MLPH: variants seen among roughly 807,000 people sequenced by gnomAD.
MLPH encodes melanophilin.
In MLPH, 51 loss-of-function variants were observed where a neutral mutation model predicts 72.1. That is an observed-to-expected ratio of 0.71 (90% CI 0.56 to 0.89). MLPH has a LOEUF of 0.89. Among genes scored for constraint, MLPH ranks in the 40% least tolerant of loss-of-function variants. The pLI is 0.00. For missense variants in MLPH, 743 were observed against 759.9 expected (o/e 0.98, Z 0.26); for synonymous variants, 301 against 310.1 (o/e 0.97, Z 0.31).
chr2:237,502,463 C>A (rs2079672555), intron 2 of MLPH, among the ~76,000 whole-genome samples: 1 of 152,160 alleles, frequency 6.6e-6, no homozygotes, highest in Non-Finnish European at 1.5e-5. Flanking sequence ...TTGTGTCTTG[C>A]TTTGTATCAT....
chr2:237,493,849 G>A (rs946734673), intron 2 of MLPH, among the ~76,000 whole-genome samples: 9 of 152,148 alleles, frequency 5.9e-5, no homozygotes, highest in Non-Finnish European at 2.9e-5. Context: ...GTGATACATG[G>A]GGAAAGTCTC....
At chr2:237,525,924 T>A in intron 7 of MLPH, 119 bp downstream of exon 7, 1 of 996,654 alleles carries the variant, frequency 1.0e-6, no homozygotes, top group Non-Finnish European at 1.5e-6. Flanking sequence ...GGCCCCTTCC[T>A]TTGGCGTGAT....
chr2:237,531,228 A>G (rs1262436063), intron 8 of MLPH, among the ~76,000 whole-genome samples: 1 of 152,030 alleles, frequency 6.6e-6, no homozygotes, highest in Non-Finnish European at 1.5e-5. Context: ...CACATTCTAC[A>G]GTTATTCTGA....
chr2:237,546,932 G>A lies in MLPH; in HGVS notation c.1617+249G>A, dbSNP rs569310252. 5.7e-4 allele frequency among the ~76,000 whole-genome samples: 87 copies of A among 152,330 alleles called. 1 individual carries two copies. Among genetic ancestry groups the A allele is most frequent in the Middle Eastern group, 6.8e-3 (2 of 294 alleles). ...ATCCAAGAAAGCCCAGTAGGGGAGC[G>A]GGAAAGTGAGACGGGAAAGGAAGGA... On this transcript the variant is annotated intron_variant, in intron 13 of 15. Transcript: ENST00000264605.
At chr2:237,546,724 G>A in intron 13 of MLPH, 41 bp downstream of exon 13, 1 of 1,537,232 alleles carries the variant, frequency 6.5e-7, no homozygotes, top group Non-Finnish European at 9.0e-7. Flanking sequence ...CCCGACAAAG[G>A]TGGAAGACTG....
intron 2 of MLPH, among the ~76,000 whole-genome samples, chr2:237,496,397 C>T (rs952972721): frequency 6.2e-4 from 94 of 152,288 alleles, no homozygotes; most frequent in African/African-American, 2.1e-3. Flanking sequence ...AACCCCCATG[C>T]GTTTCCTGTC....
intron 9 of MLPH, among the ~76,000 whole-genome samples, chr2:237,540,097 G>A (rs2080636530): frequency 3.9e-5 from 6 of 152,250 alleles, no homozygotes; most frequent in Admixed American, 3.9e-4. Flanking sequence ...GAAAAAAAAT[G>A]TGGGTCTTAG....
chr2:237,546,764 C>A, intron 13 of MLPH, 81 bp downstream of exon 13: 1 of 1,206,934 alleles, frequency 8.3e-7, no homozygotes, highest in Non-Finnish European at 1.2e-6. Context: ...GGCAAGTCCA[C>A]GGGGTGGCAG....
rs890176954 is a variant in MLPH, at chr2:237,553,878, T to C, written c.*286T>C. 3 of 611,462 alleles carry C rather than the reference T, an allele frequency of 4.9e-6. No individual in the cohort carries two copies. The highest frequency in any genetic ancestry group is 3.6e-5 in the African/African-American group (2 of 55,270). 37.9% of individuals were successfully genotyped at this position (611,462 alleles called of 1,614,324 possible). On this transcript the variant is annotated 3_prime_UTR_variant, in exon 16 of 16. Coordinates refer to ENST00000264605, the MANE Select transcript of MLPH (RefSeq NM_024101.7). ...TCCCTTTAGGACAATGTTGTGTAAA[T>C]CTTTGAAGGACACACCGAAGACCTT...
At chr2:237,543,495 C>T (rs578185946) in intron 12 of MLPH, among the ~76,000 whole-genome samples, 1 of 6,646 alleles carries the variant, frequency 1.5e-4, no homozygotes, top group Non-Finnish European at 2.4e-4. Flanking sequence ...GTGACTGGGG[C>T]GACAGTGGTG....
intron 15 of MLPH, chr2:237,553,005 GC>G: frequency 2.3e-6 from 1 of 444,414 alleles, no homozygotes; most frequent in Non-Finnish European, 4.8e-6. Flanking sequence ...GCAGGCTAGA[GC>G]CAGTGGCTCA....
At chr2:237,517,018 T>TGGAA (rs1293197068) in intron 4 of MLPH, among the ~76,000 whole-genome samples, 1 of 147,476 alleles carries the variant, frequency 6.8e-6, no homozygotes, top group African/African-American at 2.6e-5. Context: ...GATGGATGGA[T>TGGAA]GGATGGATGG....
At chr2:237,523,492 C>T (rs571410645) in intron 6 of MLPH, among the ~76,000 whole-genome samples, 1 of 152,274 alleles carries the variant, frequency 6.6e-6, no homozygotes, top group East Asian at 1.9e-4. Flanking sequence ...GAGTTAGCAG[C>T]TCTTGCATAC....
intron 12 of MLPH, among the ~76,000 whole-genome samples, chr2:237,544,413 G>A (rs1439223106): frequency 2.0e-5 from 1 of 49,620 alleles, no homozygotes; most frequent in Non-Finnish European, 3.4e-5. Context: ...GGACAGTGGT[G>A]AGTCGGGGGA....
Position 237,525,669 on chromosome 2 carries a change from T to C in MLPH, c.744T>C (p.Asp248=), listed in dbSNP as rs2106339426. The change falls in exon 7 of 16, where the codon GAT becomes GAC. Residue 248 remains aspartate (D), a synonymous_variant. Coordinates refer to ENST00000264605, the MANE Select transcript of MLPH (RefSeq NM_024101.7). ...PHKAEGLEEA[D]TGASGCHSHP... Reference sequence around the variant, plus strand: ...AGGCTGAGGGCCTGGAGGAGGCTGATACTGGGGCCTCTGGGTGCCACTCCC... The same window carrying C: ...AGGCTGAGGGCCTGGAGGAGGCTGACACTGGGGCCTCTGGGTGCCACTCCC... The C allele has an allele frequency of 6.2e-7, 1 of 1,614,146 alleles. No homozygotes were observed. The highest frequency in any genetic ancestry group is 8.5e-7 in the Non-Finnish European group (1 of 1,180,018).
At chr2:237,521,428 G>C (rs1441387477) in intron 6 of MLPH, among the ~76,000 whole-genome samples, 1 of 152,130 alleles carries the variant, frequency 6.6e-6, no homozygotes, top group East Asian at 1.9e-4. Flanking sequence ...CAGGTGTCTT[G>C]TTCATCCATC....
At position 237,554,865 on chromosome 2, in the gene MLPH, C is replaced by T. The variant is rs148787507; in HGVS notation, c.*1273C>T. 1 of 152,194 alleles carries T rather than the reference C, an allele frequency of 6.6e-6. No homozygotes were observed. Among genetic ancestry groups the T allele is most frequent in the African/African-American group, 2.4e-5 (1 of 41,448 alleles). The allele number at this position is 152,194 out of a possible 1,614,324, so 9.4% of individuals were successfully genotyped here. A position where few individuals can be genotyped will look rare whatever the true frequency, so the allele number is the denominator to read the frequency against. ...CTGATACTCCTGCAACTTCAGGAGACCTGTGAGCACACATTAGCAGCTGTT... is the reference window on the plus strand; with the variant it reads ...CTGATACTCCTGCAACTTCAGGAGATCTGTGAGCACACATTAGCAGCTGTT... On this transcript the variant is annotated 3_prime_UTR_variant, in exon 16 of 16. Coordinates refer to ENST00000264605, the MANE Select transcript of MLPH (RefSeq NM_024101.7).
At chr2:237,533,390 C>CTTTTTTTTTTTTTTTT (rs746139615) in intron 8 of MLPH, among the ~76,000 whole-genome samples, 55 of 108,006 alleles carry the variant, frequency 5.1e-4, no homozygotes, top group East Asian at 7.8e-4. Context: ...ATTTTCTTTT[C>CTTTTTTTTTTTTTTTT]TTTTTTTTTT....
intron 9 of MLPH, among the ~76,000 whole-genome samples, chr2:237,535,875 A>G (rs2106364237): frequency 6.6e-6 from 1 of 152,330 alleles, no homozygotes; most frequent in Non-Finnish European, 1.5e-5. Flanking sequence ...TTAACACTCC[A>G]TGAGTAGGGG....
Sources: allele counts gnomAD v4.1 joint callset (sites outside exome capture counted in the v4.1 genomes callset), GRCh38; gene constraint gnomAD v4.1.1; transcripts MANE v1.5; gene names NCBI Gene and HGNC (gene_info 2026-07-23, HGNC 2026-07-21).